The following ANO4 variants were observed in gnomAD, a reference collection of about 807,000 sequenced individuals.
ANO4 encodes anoctamin 4.
A neutral mutation model predicts 141.9 loss-of-function variants in ANO4; 69 were observed. The observed-to-expected ratio is 0.49, with a 90% CI of 0.40 to 0.59. The LOEUF is 0.59. Among genes scored for constraint, ANO4 ranks in the 20% least tolerant of loss-of-function variants. The pLI, the probability that ANO4 is intolerant of heterozygous loss-of-function variation, is 0.00. For synonymous variants in ANO4, 350 were observed against 394.3 expected (o/e 0.89, Z 1.33); for missense variants, 894 against 1,162.2 (o/e 0.77, Z 3.36).
At chr12:100,963,276 T>A (rs1231043687) in intron 5 of ANO4, among the ~76,000 whole-genome samples, 2 of 152,138 alleles carry the variant, frequency 1.3e-5, no homozygotes, top group African/African-American at 2.4e-5. Flanking sequence ...TGAGATCATC[T>A]AGGGAGGACA....
At chr12:100,886,694 G>T (rs533109299) in intron 1 of ANO4, among the ~76,000 whole-genome samples, 1 of 152,286 alleles carries the variant, frequency 6.6e-6, no homozygotes, top group Admixed American at 6.5e-5. Context: ...TTAGAACTCA[G>T]TCACACTCAT....
intron 8 of ANO4, among the ~76,000 whole-genome samples, chr12:100,993,980 G>A (rs2045257812): frequency 1.3e-5 from 2 of 152,168 alleles, no homozygotes; most frequent in African/African-American, 4.8e-5. Context: ...ATGGCACTGG[G>A]GCTGAATAAC....
chr12:100,745,327 G>A (rs773402847), intron 3 of ANO4, among the ~76,000 whole-genome samples: 2 of 151,972 alleles, frequency 1.3e-5, no homozygotes, highest in African/African-American at 2.4e-5. Flanking sequence ...TTTTGCCTCA[G>A]CATATTTTGT....
chr12:100,727,584 C>T (rs1419043033), intron 1 of ANO4, among the ~76,000 whole-genome samples: 1 of 152,096 alleles, frequency 6.6e-6, no homozygotes, highest in African/African-American at 2.4e-5. Context: ...CTCTTACAAA[C>T]AGCATTTAGT....
At chr12:100,810,726 A>C (rs1356112523) in intron 1 of ANO4, among the ~76,000 whole-genome samples, 1 of 152,046 alleles carries the variant, frequency 6.6e-6, no homozygotes, top group Non-Finnish European at 1.5e-5. Context: ...CTAAGTGTAG[A>C]TTAGATAACT....
At chr12:100,934,063 T>C (rs574207926) in intron 3 of ANO4, among the ~76,000 whole-genome samples, 6 of 152,360 alleles carry the variant, frequency 3.9e-5, no homozygotes, top group African/African-American at 1.4e-4. Context: ...TTCACTCTGA[T>C]GGTAGTTTCT....
At chr12:100,755,981 G>A (rs1044056117) in intron 3 of ANO4, among the ~76,000 whole-genome samples, 4 of 152,156 alleles carry the variant, frequency 2.6e-5, no homozygotes, top group African/African-American at 9.7e-5. Context: ...TTATCACTAG[G>A]AGAAATAAAG....
intron 3 of ANO4, among the ~76,000 whole-genome samples, chr12:100,749,099 A>G (rs2032245564): frequency 1.3e-5 from 2 of 152,120 alleles, no homozygotes; most frequent in African/African-American, 4.8e-5. Flanking sequence ...CAGGTGAGGG[A>G]CCAGTGTTCC....
At chr12:100,819,086 T>G (rs2035892954) in intron 1 of ANO4, among the ~76,000 whole-genome samples, 1 of 150,214 alleles carries the variant, frequency 6.7e-6, no homozygotes, top group South Asian at 2.1e-4. Context: ...TATATTTCTA[T>G]TTTAAATAAC....
chr12:100,932,601 T>C (rs1026586700), intron 3 of ANO4, among the ~76,000 whole-genome samples: 1 of 152,190 alleles, frequency 6.6e-6, no homozygotes, highest in Non-Finnish European at 1.5e-5. Flanking sequence ...TGATTTTCAC[T>C]GGAGGAATAA....
intron 3 of ANO4, among the ~76,000 whole-genome samples, chr12:100,747,071 C>A (rs1043079373): frequency 1.3e-5 from 2 of 152,100 alleles, no homozygotes; most frequent in Admixed American, 1.3e-4. Context: ...ACCCAACAGA[C>A]GTCAGTTGTG....
intron 1 of ANO4, among the ~76,000 whole-genome samples, chr12:100,823,338 A>G (rs936011341): frequency 1.3e-5 from 2 of 152,070 alleles, no homozygotes; most frequent in Admixed American, 1.3e-4. Context: ...ACAAGAAATA[A>G]TAAGTGGATT....
At chr12:100,761,415 G>C (rs2032853059) in intron 3 of ANO4, among the ~76,000 whole-genome samples, 1 of 152,214 alleles carries the variant, frequency 6.6e-6, no homozygotes, top group South Asian at 2.1e-4. Flanking sequence ...AATCAGCCAA[G>C]TTTCCAGAAA....
chr12:100,875,079 A>T (rs1334886899), intron 1 of ANO4, among the ~76,000 whole-genome samples: 1 of 152,058 alleles, frequency 6.6e-6, no homozygotes, highest in African/African-American at 2.4e-5. Flanking sequence ...TTGAGAAGGG[A>T]TGATTGTATT....
intron 14 of ANO4, chr12:101,066,997 CAAAA>C (rs34416390): frequency 3.3e-3 from 591 of 180,870 alleles, no homozygotes; most frequent in East Asian, 6.0e-3. Flanking sequence ...TAAAGTATAA[CAAAA>C]AAAAAAAAAA....
chr12:100,867,634 ACT>A (rs1461820316), intron 1 of ANO4, among the ~76,000 whole-genome samples: 2 of 141,608 alleles, frequency 1.4e-5, no homozygotes, highest in African/African-American at 5.2e-5. Context: ...ACACACACAC[ACT>A]CAGAATGACG....
intron 14 of ANO4, among the ~76,000 whole-genome samples, chr12:101,054,763 G>C (rs2048040267): frequency 6.6e-6 from 1 of 151,910 alleles, no homozygotes; most frequent in African/African-American, 2.4e-5. Flanking sequence ...GCCTCCCAAA[G>C]TGTGGGAGCC....
rs554214717 is a variant in ANO4 at position 100,728,140 on chromosome 12, A to T, written c.23-5634A>T. Among the ~76,000 whole-genome samples the T allele has an allele frequency of 1.3e-3, 193 of 152,296 alleles. 1 individual carries two copies. Among genetic ancestry groups the T allele is most frequent in the African/African-American group, 4.5e-3 (187 of 41,566 alleles). Reference sequence around the variant, plus strand: ...GCCCACATATTTACAAGAATTCCACATTCAGTGGAAAGACATAAATAGGCA... The same window carrying T: ...GCCCACATATTTACAAGAATTCCACTTTCAGTGGAAAGACATAAATAGGCA... On this transcript the variant is annotated intron_variant, in intron 1 of 29. Coordinates refer to the ANO4 transcript ENST00000644049.
At chr12:100,817,959 C>T (rs1168717932) in intron 1 of ANO4, among the ~76,000 whole-genome samples, 3 of 151,738 alleles carry the variant, frequency 2.0e-5, no homozygotes, top group African/African-American at 7.3e-5. Flanking sequence ...GACATAGACA[C>T]TTGTGAAGAC....
Sources: gnomAD v4.1 joint callset for allele counts (sites outside exome capture counted in the v4.1 genomes callset) on GRCh38, gnomAD v4.1.1 for gene constraint, MANE v1.5 for transcripts, NCBI Gene and HGNC (gene_info 2026-07-23, HGNC 2026-07-21) for gene names.